GRIK4: variants seen among roughly 807,000 people sequenced by gnomAD.
GRIK4 encodes glutamate ionotropic receptor kainate type subunit 4.
Under a neutral mutation model 104.9 loss-of-function variants are expected in GRIK4, and 40 were observed. The observed-to-expected ratio is 0.38, with a 90% confidence interval of 0.30 to 0.50. GRIK4 has a LOEUF of 0.50. Ranked by LOEUF, GRIK4 falls within the 20% of genes least tolerant of loss-of-function variation. GRIK4 has a pLI of 0.93. For missense variants in GRIK4, 1,047 were observed against 1,308.1 expected (o/e 0.80, Z 3.08); for synonymous variants, 485 against 524.9 (o/e 0.92, Z 1.04).
chr11:120,817,491 C>T (rs1591951312), intron 5 of GRIK4, among the ~76,000 whole-genome samples: 1 of 152,076 alleles, frequency 6.6e-6, no homozygotes, highest in African/African-American at 2.4e-5. Flanking sequence ...CTCCCCTGCT[C>T]CAGGGAAAAG....
intron 3 of GRIK4, among the ~76,000 whole-genome samples, chr11:120,769,308 C>T (rs1022972929): frequency 1.3e-5 from 2 of 151,950 alleles, no homozygotes; most frequent in East Asian, 1.9e-4. Flanking sequence ...CTCGGTTGTT[C>T]AGCCTCTAGG....
chr11:120,943,417 CA>C (rs1943776651), intron 14 of GRIK4, among the ~76,000 whole-genome samples: 1 of 152,052 alleles, frequency 6.6e-6, no homozygotes, highest in Non-Finnish European at 1.5e-5. Flanking sequence ...TTGACTAACC[CA>C]GGGGAGATAT....
chr11:120,899,518 C>G (rs1942675880), intron 12 of GRIK4, among the ~76,000 whole-genome samples: 1 of 152,024 alleles, frequency 6.6e-6, no homozygotes, highest in South Asian at 2.1e-4. Context: ...CCCTCCCTTC[C>G]CTGTCCCCCT....
chr11:120,909,584 A>G (rs1179266385), intron 13 of GRIK4, among the ~76,000 whole-genome samples: 1 of 152,194 alleles, frequency 6.6e-6, no homozygotes, highest in South Asian at 2.1e-4. Context: ...GTGCCAGGGT[A>G]TGTATGGACA....
At position 120,556,693 on chromosome 11, in the gene GRIK4, G is replaced by GA. The variant is rs531969825; in HGVS notation, c.-159+44814dup. Among the ~76,000 whole-genome samples, 16 of 151,740 alleles carry GA rather than the reference G, an allele frequency of 1.1e-4. No individual in the cohort carries two copies. In the East Asian group the frequency reaches 2.9e-3, roughly 28 times the overall value. The stretch of plus-strand genomic sequence containing the variant: ...CTTAACCCGTCCTTTGCTTTAGGAG[G>GA]AAAAAAAAGCACCCTCCTGTCACCT... On this transcript the variant is annotated intron_variant, in intron 1 of 20. Coordinates refer to ENST00000527524, the MANE Select transcript of GRIK4 (RefSeq NM_014619.5).
chr11:120,882,466 T>C (rs749268435), intron 11 of GRIK4, among the ~76,000 whole-genome samples: 2 of 152,100 alleles, frequency 1.3e-5, no homozygotes, highest in Non-Finnish European at 2.9e-5. Context: ...GGAGGCTGCT[T>C]GACAGGCGAT....
intron 12 of GRIK4, among the ~76,000 whole-genome samples, chr11:120,899,418 C>CAAAA (rs57401981): frequency 4.2e-5 from 3 of 71,830 alleles, no homozygotes; most frequent in Non-Finnish European, 5.8e-5. Flanking sequence ...GAGACTGTCT[C>CAAAA]AAAAAAAAAA....
chr11:120,928,162 C>T (rs903624630), intron 13 of GRIK4, among the ~76,000 whole-genome samples: 6 of 146,704 alleles, frequency 4.1e-5, no homozygotes, highest in Non-Finnish European at 7.4e-5. Context: ...TGCAGTGAGC[C>T]GAGATCGCAC....
rs910145087 is a variant in GRIK4, at chr11:120,555,966, T to A, written c.-159+44079T>A. Among the ~76,000 whole-genome samples, 2 of 152,202 alleles carry A rather than the reference T, an allele frequency of 1.3e-5. No individual in the cohort carries two copies. Among genetic ancestry groups the A allele is most frequent in the Non-Finnish European group, 2.9e-5 (2 of 68,020 alleles). On this transcript the variant is annotated intron_variant, in intron 1 of 20. Coordinates refer to ENST00000527524, the MANE Select transcript of GRIK4 (RefSeq NM_014619.5). This position sits in a 1 kb window ranked among gnomAD's most constrained non-coding sequence, Gnocchi z 5.3. ...TCATATTTCTAATGGTTTACTTACA[T>A]GTTAGACTGTCGGCTACTTGAAACC...
At chr11:120,679,857 A>T (rs1221354645) in intron 3 of GRIK4, among the ~76,000 whole-genome samples, 1 of 152,130 alleles carries the variant, frequency 6.6e-6, no homozygotes, top group Non-Finnish European at 1.5e-5. Context: ...ATCTTTCAAC[A>T]TCGTTCCCAT....
At chr11:120,726,148 A>C (rs559360544) in intron 3 of GRIK4, among the ~76,000 whole-genome samples, 2 of 152,348 alleles carry the variant, frequency 1.3e-5, no homozygotes, top group African/African-American at 4.8e-5. Context: ...TTTTGGGGAC[A>C]AAAGGATGAC....
At chr11:120,893,019 C>T (rs1239024770) in intron 11 of GRIK4, among the ~76,000 whole-genome samples, 1 of 152,222 alleles carries the variant, frequency 6.6e-6, no homozygotes, top group African/African-American at 2.4e-5. Context: ...CGCAGAACTG[C>T]AGGCAGTGGC....
intron 1 of GRIK4, among the ~76,000 whole-genome samples, chr11:120,601,073 A>T (rs1948879010): frequency 6.6e-6 from 1 of 151,588 alleles, no homozygotes; most frequent in Non-Finnish European, 1.5e-5. Flanking sequence ...AGCAAAACTC[A>T]TGAGAACTAT....
intron 11 of GRIK4, among the ~76,000 whole-genome samples, chr11:120,898,289 T>A (rs1424232072): frequency 6.6e-6 from 1 of 152,162 alleles, no homozygotes; most frequent in Non-Finnish European, 1.5e-5. Flanking sequence ...TATTTCTCCA[T>A]TTTCCTCTCC....
chr11:120,851,676 A>G (rs1331428426), intron 8 of GRIK4, among the ~76,000 whole-genome samples: 1 of 152,188 alleles, frequency 6.6e-6, no homozygotes, highest in East Asian at 1.9e-4. Context: ...CCAAGAGCTG[A>G]AAATCTGTTA....
intron 3 of GRIK4, among the ~76,000 whole-genome samples, chr11:120,794,675 T>C (rs1279512444): frequency 6.6e-6 from 1 of 152,086 alleles, no homozygotes; most frequent in Non-Finnish European, 1.5e-5. Context: ...GCCCACACCT[T>C]GATCTTAGAC....
chr11:120,562,279 A>G (rs545646715), intron 1 of GRIK4, among the ~76,000 whole-genome samples: 6 of 152,272 alleles, frequency 3.9e-5, no homozygotes, highest in Non-Finnish European at 8.8e-5. Flanking sequence ...CAAAGCCGAG[A>G]CTTTTAATCA....
intron 3 of GRIK4, among the ~76,000 whole-genome samples, chr11:120,693,539 A>G (rs1170580861): frequency 1.3e-5 from 2 of 152,188 alleles, no homozygotes; most frequent in African/African-American, 4.8e-5. Flanking sequence ...CCTTTCAATA[A>G]ATATTTCTTG....
chr11:120,801,781 T>C (rs1483567847), intron 3 of GRIK4, among the ~76,000 whole-genome samples: 1 of 152,230 alleles, frequency 6.6e-6, no homozygotes, highest in Admixed American at 6.5e-5. Flanking sequence ...GCTAGATTTA[T>C]TGAGTGCCTC....
Sources: gnomAD v4.1 joint callset for allele counts (sites outside exome capture counted in the v4.1 genomes callset) on GRCh38, gnomAD v4.1.1 for gene constraint, Gnocchi (gnomAD v3.1) non-coding constraint, MANE v1.5 for transcripts, NCBI Gene and HGNC (gene_info 2026-07-23, HGNC 2026-07-21) for gene names.